Variants in ZNF710 observed in about 807,000 individuals in gnomAD.
ZNF710 encodes the protein zinc finger protein 710.
Under a neutral mutation model 50.6 loss-of-function variants are expected in ZNF710, and 13 were observed. The observed-to-expected ratio is 0.26, with a 90% confidence interval of 0.17 to 0.41. The LOEUF is 0.41. ZNF710 is among the 10% of genes least tolerant of loss of function. The probability of loss-of-function intolerance (pLI) is 1.00; values close to 1 mark genes in which losing one functional copy is unlikely to be tolerated. For synonymous variants in ZNF710, 383 were observed against 397.0 expected, an observed-to-expected ratio of 0.96 and a Z score of 0.42; for missense variants, 721 against 936.6, an observed-to-expected ratio of 0.77 and a Z score of 3.01.
At chr15:90,079,230 A>C (rs1161626503) in intron 4 of ZNF710, among the ~76,000 whole-genome samples, 1 of 152,236 alleles carries the variant, frequency 6.6e-6, no homozygotes, top group East Asian at 1.9e-4. Context: ...GGATGAGGCG[A>C]GGCCTGCGAA....
At chr15:90,006,215 T>C (rs1387359692) in intron 1 of ZNF710, among the ~76,000 whole-genome samples, 1 of 152,174 alleles carries the variant, frequency 6.6e-6, no homozygotes, top group Non-Finnish European at 1.5e-5. Flanking sequence ...ATTAGGGCTA[T>C]TTTGCACTTG....
intron 1 of ZNF710, among the ~76,000 whole-genome samples, chr15:90,065,157 G>A (rs903579639): frequency 4.6e-5 from 7 of 152,162 alleles, no homozygotes; most frequent in African/African-American, 9.7e-5. Flanking sequence ...TTTGGTGTCC[G>A]TTTCAAGGAG....
intron 1 of ZNF710, among the ~76,000 whole-genome samples, chr15:90,044,446 T>C (rs1207472920): frequency 6.6e-6 from 1 of 152,168 alleles, no homozygotes. Flanking sequence ...AGGGGGCCGG[T>C]CCACACGACA....
rs1269218896 is a variant in ZNF710, at chr15:90,067,102, AC to A, written c.-28-5del. The A allele has an allele frequency of 9.7e-6, 15 of 1,553,738 alleles. No individual in the cohort carries two copies. The highest frequency in any genetic ancestry group is 1.3e-5 in the Non-Finnish European group (15 of 1,148,960). On this transcript the variant is annotated splice_region_variant and splice_polypyrimidine_tract_variant and intron_variant, in intron 1 of 4. Coordinates refer to ENST00000268154, the MANE Select transcript of ZNF710 (RefSeq NM_198526.4). This position sits in a 1 kb window ranked among gnomAD's most constrained non-coding sequence, Gnocchi z 8.1. Reference sequence around the variant, plus strand: ...CAGCAATATTAACCTTCCCTTCTCCACCCACAGCGATGCCCTCCTAGCTAGC... The same window carrying A: ...CAGCAATATTAACCTTCCCTTCTCCACCACAGCGATGCCCTCCTAGCTAGC...
chr15:90,071,613 C>T (rs1031987033), intron 2 of ZNF710, among the ~76,000 whole-genome samples: 12 of 151,616 alleles, frequency 7.9e-5, no homozygotes, highest in Non-Finnish European at 1.6e-4. Flanking sequence ...TACTAAATTA[C>T]TAACTCATCA....
chr15:90,073,607 C>G (rs1171960853), intron 3 of ZNF710, among the ~76,000 whole-genome samples: 1 of 152,126 alleles, frequency 6.6e-6, no homozygotes, highest in Non-Finnish European at 1.5e-5. Context: ...CTCACAGGAG[C>G]AGTGACCCCC....
At chr15:90,002,204 G>T (rs1459643697) in intron 1 of ZNF710, among the ~76,000 whole-genome samples, 1 of 151,714 alleles carries the variant, frequency 6.6e-6, no homozygotes, top group Non-Finnish European at 1.5e-5. Flanking sequence ...AGCGGGTGGG[G>T]TTGTTGCGCG....
In ZNF710 at chr15:90,034,738, C is replaced by T. The variant is rs1899064930; in HGVS notation, c.-28-32372C>T. On this transcript the variant is annotated intron_variant, in intron 1 of 4. Coordinates refer to ENST00000268154, the MANE Select transcript of ZNF710 (RefSeq NM_198526.4). The surrounding 1 kb of genome is among the most constrained non-coding windows in gnomAD (Gnocchi z 4.0). Reference sequence around the variant, plus strand: ...CCTTCTGAGCCTTCTTTGTTCTGGCCGTGGGTGGGGCACCCGGCTCCACCT... The same window carrying T: ...CCTTCTGAGCCTTCTTTGTTCTGGCTGTGGGTGGGGCACCCGGCTCCACCT... Among the ~76,000 whole-genome samples, 3 of 152,146 alleles carry T rather than the reference C, an allele frequency of 2.0e-5. No homozygotes were observed. Among genetic ancestry groups the T allele is most frequent in the African/African-American group, 4.8e-5 (2 of 41,422 alleles).
chr15:90,018,452 G>A (rs755803069), intron 1 of ZNF710, among the ~76,000 whole-genome samples: 1 of 152,188 alleles, frequency 6.6e-6, no homozygotes, highest in Non-Finnish European at 1.5e-5. Flanking sequence ...ACAGGCGTGA[G>A]CCACCGCGCC....
intron 1 of ZNF710, among the ~76,000 whole-genome samples, chr15:90,051,872 A>G (rs114749320): frequency 0.025 from 3,796 of 152,234 alleles, 169 homozygotes; most frequent in African/African-American, 0.086. Context: ...TCCTGTCACT[A>G]TACAGACAAG....
chr15:90,073,301 A>C (rs1454712534), intron 3 of ZNF710, 39 bp downstream of exon 3: 1 of 1,592,746 alleles, frequency 6.3e-7, no homozygotes, highest in Admixed American at 1.7e-5. Flanking sequence ...GACCTCCCCG[A>C]GGGTGGTCTG....
At chr15:90,055,336 G>C (rs1003187536) in intron 1 of ZNF710, among the ~76,000 whole-genome samples, 1 of 152,180 alleles carries the variant, frequency 6.6e-6, no homozygotes, top group Non-Finnish European at 1.5e-5. Context: ...GTAGGGGAAA[G>C]CATGTGTGAA....
At chr15:90,053,849 C>T (rs1342721218) in intron 1 of ZNF710, among the ~76,000 whole-genome samples, 4 of 152,030 alleles carry the variant, frequency 2.6e-5, no homozygotes, top group African/African-American at 9.7e-5. Flanking sequence ...CTCCTCCCTT[C>T]CCTAGGTGAG....
At chr15:90,008,426 GTATA>G (rs145370535) in intron 1 of ZNF710, among the ~76,000 whole-genome samples, 46 of 124,234 alleles carry the variant, frequency 3.7e-4, no homozygotes, top group Non-Finnish European at 6.3e-4. Flanking sequence ...GTGTGTGTGT[GTATA>G]TATATATATA....
rs536255181 is a variant in ZNF710, at chr15:90,010,734, A to G, written c.-29+9120A>G. 7.3e-5 allele frequency among the ~76,000 whole-genome samples: 11 copies of G among 151,452 alleles called. No individual in the cohort carries two copies. In the South Asian group the frequency reaches 2.3e-3, roughly 32 times the overall value. ...TCCGTTTTTTCTCTACTGCTTTGAAACTCATATACTCTTTTTAAAAATTTT... is the reference window on the plus strand; with the variant it reads ...TCCGTTTTTTCTCTACTGCTTTGAAGCTCATATACTCTTTTTAAAAATTTT... On this transcript the variant is annotated intron_variant, in intron 1 of 4. Coordinates refer to ENST00000268154, the MANE Select transcript of ZNF710 (RefSeq NM_198526.4).
chr15:90,007,522 G>A (rs902885587), intron 1 of ZNF710, among the ~76,000 whole-genome samples: 7 of 151,962 alleles, frequency 4.6e-5, no homozygotes, highest in African/African-American at 1.7e-4. Flanking sequence ...GGGAGATTGC[G>A]GCTCTAAGAA....
intron 1 of ZNF710, among the ~76,000 whole-genome samples, chr15:90,008,664 C>A (rs753375331): frequency 1.9e-4 from 29 of 150,182 alleles, no homozygotes; most frequent in African/African-American, 6.9e-4. Flanking sequence ...AGCTGTAGTC[C>A]CAGCTACTTA....
intron 1 of ZNF710, among the ~76,000 whole-genome samples, chr15:90,024,295 G>A (rs116467632): frequency 9.7e-4 from 148 of 152,222 alleles, no homozygotes; most frequent in African/African-American, 3.3e-3. Flanking sequence ...AGGGCACCCC[G>A]GTCAGGATGC....
At position 90,040,596 on chromosome 15, in the gene ZNF710, G is replaced by GT. The variant is rs766441557; in HGVS notation, c.-28-26511dup. Among the ~76,000 whole-genome samples the GT allele has an allele frequency of 4.5e-4, 69 of 152,188 alleles. No individual in the cohort carries two copies. The highest frequency in any genetic ancestry group is 3.4e-3 in the Middle Eastern group (1 of 294). ...CTCCTTTACCAAGCCTTTTTTGCTT[G>GT]TTTGCTTGCTTTTAATTTTGTTTTT... is the stretch of plus-strand genomic sequence containing the variant. On this transcript the variant is annotated intron_variant, in intron 1 of 4. Transcript: ENST00000268154. This position sits in a 1 kb window ranked among gnomAD's most constrained non-coding sequence, Gnocchi z 4.6.
Sources: gnomAD v4.1 joint callset for allele counts (sites outside exome capture counted in the v4.1 genomes callset) on GRCh38, gnomAD v4.1.1 for gene constraint, Gnocchi (gnomAD v3.1) non-coding constraint, MANE v1.5 for transcripts, NCBI Gene and HGNC (gene_info 2026-07-23, HGNC 2026-07-21) for gene names.